The following MATN2 variants were observed in gnomAD, a reference collection of about 807,000 sequenced individuals.
MATN2 encodes matrilin-2.
A neutral mutation model predicts 103.2 loss-of-function variants in MATN2; 69 were observed. The observed-to-expected ratio is 0.67, with a 90% CI of 0.55 to 0.82. The LOEUF (loss-of-function observed/expected upper bound fraction) is 0.82. Among genes scored for constraint, MATN2 ranks in the 40% least tolerant of loss-of-function variants. The probability of loss-of-function intolerance (pLI) is 0.00; values close to 1 mark genes in which losing one functional copy is unlikely to be tolerated. For synonymous variants in MATN2, 429 were observed against 450.2 expected, an observed-to-expected ratio of 0.95 and a Z score of 0.60; for missense variants, 1,023 against 1,211.5, an observed-to-expected ratio of 0.84 and a Z score of 2.31.
chr8:97,874,349 C>T (rs553794741), intron 1 of MATN2, among the ~76,000 whole-genome samples: 7 of 152,042 alleles, frequency 4.6e-5, no homozygotes, highest in Non-Finnish European at 8.8e-5. Context: ...AGGCTGCATC[C>T]TTCTCTCACT....
intron 2 of MATN2, among the ~76,000 whole-genome samples, chr8:97,891,563 C>T (rs1818630865): frequency 6.6e-6 from 1 of 152,064 alleles, no homozygotes; most frequent in South Asian, 2.1e-4. Flanking sequence ...ATCTTGAACT[C>T]CTGGGCTCAA....
chr8:97,961,095 G>A (rs747397188), intron 4 of MATN2, among the ~76,000 whole-genome samples: 2 of 152,176 alleles, frequency 1.3e-5, no homozygotes, highest in Admixed American at 1.3e-4. Flanking sequence ...AATTACAGGC[G>A]TGAGCCACCG....
In MATN2 at chr8:97,927,648, T is replaced by C. The variant is rs2130128633; in HGVS notation, c.143-3305T>C. Among the ~76,000 whole-genome samples, 2 of 152,352 alleles carry C rather than the reference T, an allele frequency of 1.3e-5. 1 individual carries two copies. Among genetic ancestry groups the C allele is most frequent in the East Asian group, 3.9e-4 (2 of 5,184 alleles). ...AGGACTTGGTGTTTTCAACTCAGAA[T>C]TACAGCTTTCTTGGAACCTCCAACA... On this transcript the variant is annotated intron_variant, in intron 2 of 18. Transcript: ENST00000254898.
At chr8:97,942,874 T>C (rs1451317705) in intron 4 of MATN2, among the ~76,000 whole-genome samples, 1 of 152,058 alleles carries the variant, frequency 6.6e-6, no homozygotes, top group Admixed American at 6.5e-5. Flanking sequence ...AGTTTTGGGG[T>C]TGAGTGGTTG....
intron 1 of MATN2, among the ~76,000 whole-genome samples, chr8:97,874,085 C>T (rs1363206164): frequency 2.6e-5 from 4 of 152,216 alleles, no homozygotes; most frequent in South Asian, 2.1e-4. Flanking sequence ...ACTCTAGTGA[C>T]GTTTGACCTC....
At chr8:98,011,615 AG>A (rs753183546) in intron 10 of MATN2, among the ~76,000 whole-genome samples, 12 of 152,204 alleles carry the variant, frequency 7.9e-5, no homozygotes, top group Non-Finnish European at 1.8e-4. Context: ...AAGTTAGCAA[AG>A]GATTGGCTGC....
chr8:97,996,200 G>A (rs1382816224), intron 7 of MATN2, among the ~76,000 whole-genome samples: 1 of 152,174 alleles, frequency 6.6e-6, no homozygotes, highest in Non-Finnish European at 1.5e-5. Flanking sequence ...GGCCATGGGC[G>A]GAGGACATTT....
At chr8:98,014,313 A>G (rs1448627980) in intron 10 of MATN2, among the ~76,000 whole-genome samples, 2 of 151,782 alleles carry the variant, frequency 1.3e-5, no homozygotes, top group Non-Finnish European at 2.9e-5. Context: ...AAAACACCTC[A>G]CCTCCATGGC....
At chr8:97,932,592 T>C (rs1195749359) in intron 3 of MATN2, among the ~76,000 whole-genome samples, 4 of 152,230 alleles carry the variant, frequency 2.6e-5, no homozygotes, top group Non-Finnish European at 4.4e-5. Flanking sequence ...TCCAGTTATC[T>C]CTACCCCTGC....
At chr8:98,017,285 A>G (rs1299311711) in intron 11 of MATN2, among the ~76,000 whole-genome samples, 1 of 152,190 alleles carries the variant, frequency 6.6e-6, no homozygotes, top group Non-Finnish European at 1.5e-5. Flanking sequence ...ATCCCTCCCA[A>G]AGGGCACCTT....
intron 2 of MATN2, among the ~76,000 whole-genome samples, chr8:97,921,110 C>T (rs963227323): frequency 6.6e-6 from 1 of 152,192 alleles, no homozygotes; most frequent in East Asian, 1.9e-4. Context: ...ATTATTCCAT[C>T]CCTCAGAAAC....
chr8:97,946,511 GA>G (rs1810757068), intron 4 of MATN2, among the ~76,000 whole-genome samples: 3 of 152,130 alleles, frequency 2.0e-5, no homozygotes. Context: ...AAAATGGGGG[GA>G]AAGAAAACCT....
intron 2 of MATN2, among the ~76,000 whole-genome samples, chr8:97,888,752 C>T (rs1001475621): frequency 2.0e-5 from 3 of 152,148 alleles, no homozygotes; most frequent in African/African-American, 7.2e-5. Flanking sequence ...GTCATGAAAA[C>T]ACACGGAAAA....
chr8:97,923,483 T>G (rs1217351672), intron 2 of MATN2, among the ~76,000 whole-genome samples: 2 of 152,172 alleles, frequency 1.3e-5, no homozygotes, highest in African/African-American at 4.8e-5. Context: ...TTAATAGCTT[T>G]GAGATTCTTT....
intron 2 of MATN2, among the ~76,000 whole-genome samples, chr8:97,909,761 T>C (rs1041270355): frequency 1.3e-5 from 2 of 152,006 alleles, no homozygotes; most frequent in African/African-American, 4.8e-5. Context: ...ATGGGAGCCA[T>C]TGGTAAGGGA....
intron 7 of MATN2, among the ~76,000 whole-genome samples, chr8:98,000,861 A>G (rs1045881540): frequency 6.6e-6 from 1 of 152,214 alleles, no homozygotes; most frequent in Non-Finnish European, 1.5e-5. Flanking sequence ...TACAAAACAT[A>G]CTACATAACC....
At chr8:98,033,326 A>G in intron 17 of MATN2, 150 bp downstream of exon 17, 1 of 834,554 alleles carries the variant, frequency 1.2e-6, no homozygotes, top group Non-Finnish European at 1.8e-6. Flanking sequence ...ATGAGAACTA[A>G]AACATAAACT....
rs1810711037 is a variant in MATN2, at chr8:97,945,358, G to A, written c.835+3459G>A. 2.0e-5 allele frequency among the ~76,000 whole-genome samples: 3 copies of A among 152,162 alleles called. No individual in the cohort carries two copies. In the South Asian group the frequency reaches 6.2e-4, roughly 32 times the overall value. ...AAAATAAGGAACAAAAAGTTTAGAC[G>A]ATTTACCCAAGCTCACATGGCTAGC... is the stretch of plus-strand genomic sequence containing the variant. On this transcript the variant is annotated intron_variant, in intron 4 of 18. Coordinates refer to ENST00000254898, the MANE Select transcript of MATN2 (RefSeq NM_002380.5).
chr8:97,999,066 GGTGCC>G (rs1204558149), intron 7 of MATN2, among the ~76,000 whole-genome samples: 1 of 152,132 alleles, frequency 6.6e-6, no homozygotes, highest in Non-Finnish European at 1.5e-5. Context: ...GACTATTCTA[GGTGCC>G]TCATATAAGT....
Sources: gnomAD v4.1 joint callset for allele counts (sites outside exome capture counted in the v4.1 genomes callset) on GRCh38, gnomAD v4.1.1 for gene constraint, MANE v1.5 for transcripts, NCBI Gene and HGNC (gene_info 2026-07-23, HGNC 2026-07-21) for gene names.